HAPLN2: variants seen among roughly 807,000 people sequenced by gnomAD.
The protein encoded by HAPLN2 is brain link protein-1.
Under a neutral mutation model 29.3 loss-of-function variants are expected in HAPLN2, and 27 were observed. That is an observed-to-expected ratio of 0.92 (90% CI 0.68 to 1.27). The LOEUF (loss-of-function observed/expected upper bound fraction) is 1.27. Ranked by LOEUF, HAPLN2 falls within the 50% of genes most tolerant of loss-of-function variation. The probability of loss-of-function intolerance (pLI) is 0.00; values close to 1 mark genes in which losing one functional copy is unlikely to be tolerated. For missense variants in HAPLN2, 454 were observed against 484.3 expected (o/e 0.94, Z 0.59); for synonymous variants, 208 against 211.7 (o/e 0.98, Z 0.15).
At chr1:156,604,427 C>G in the HAPLN2 span, among the ~76,000 whole-genome samples, 3 of 151,988 alleles carry the variant, frequency 2.0e-5, no homozygotes, top group African/African-American at 7.3e-5. Context: ...GTAGCTGGGA[C>G]TACAGGTGCG....
chr1:156,602,112 A>ATTT, the HAPLN2 span, among the ~76,000 whole-genome samples: 2 of 151,562 alleles, frequency 1.3e-5, no homozygotes, highest in African/African-American at 4.9e-5. Flanking sequence ...TAATTTCTGT[A>ATTT]TTTTTTTTGT....
chr1:156,615,909 C>G (rs144743889), upstream of HAPLN2, among the ~76,000 whole-genome samples: 2 of 143,946 alleles, frequency 1.4e-5, no homozygotes, highest in Non-Finnish European at 3.0e-5. Context: ...GATCCTATCT[C>G]TTAAAAAAAT....
the HAPLN2 span, among the ~76,000 whole-genome samples, chr1:156,601,894 T>G: frequency 6.6e-6 from 1 of 152,230 alleles, no homozygotes; most frequent in Middle Eastern, 3.4e-3. Flanking sequence ...CAGTTATTTA[T>G]GAAAGCCTAG....
the HAPLN2 span, among the ~76,000 whole-genome samples, chr1:156,611,587 A>G: frequency 6.6e-6 from 1 of 152,104 alleles, no homozygotes; most frequent in East Asian, 1.9e-4. Context: ...ACAAAAAAAC[A>G]AAAAAACCCC....
the HAPLN2 span, among the ~76,000 whole-genome samples, chr1:156,605,741 C>A: frequency 6.6e-6 from 1 of 151,818 alleles, no homozygotes; most frequent in African/African-American, 2.4e-5. Context: ...AGAGGATAGA[C>A]ATATAGATCA....
At chr1:156,624,909 G>GGGGGGGCCCCCCCC in intron 6 of HAPLN2, 126 bp downstream of exon 6, 1 of 999,516 alleles carries the variant, frequency 1.0e-6, no homozygotes, top group Non-Finnish European at 1.4e-6. Context: ...CCCCCCATCA[G>GGGGGGGCCCCCCCC]CCCGCCCGCC....
At chr1:156,606,705 A>G in the HAPLN2 span, among the ~76,000 whole-genome samples, 2 of 151,696 alleles carry the variant, frequency 1.3e-5, no homozygotes, top group African/African-American at 2.4e-5. Context: ...CTGGCCTCCA[A>G]CTCCTGGGCT....
chr1:156,615,899 G>C (rs1678045678), upstream of HAPLN2, among the ~76,000 whole-genome samples: 1 of 143,778 alleles, frequency 7.0e-6, no homozygotes, highest in Non-Finnish European at 1.5e-5. Flanking sequence ...AATTTTTAGA[G>C]ATCCTATCTC....
the HAPLN2 span, among the ~76,000 whole-genome samples, chr1:156,609,404 T>C: frequency 1.3e-5 from 2 of 152,248 alleles, no homozygotes; most frequent in African/African-American, 4.8e-5. Context: ...TCATTTTCTC[T>C]ATGTGGTAGG....
the HAPLN2 span, among the ~76,000 whole-genome samples, chr1:156,613,916 CAA>C: frequency 0.11 from 12,981 of 115,532 alleles, 651 homozygotes; most frequent in East Asian, 0.3. Flanking sequence ...GATTCCTTCT[CAA>C]AAAAAAAAAA....
At chr1:156,613,117 G>A in the HAPLN2 span, among the ~76,000 whole-genome samples, 2 of 152,288 alleles carry the variant, frequency 1.3e-5, no homozygotes, top group East Asian at 1.9e-4. Flanking sequence ...TTGGGAGGCC[G>A]AGGCAGGCGG....
At chr1:156,624,250 G>A in intron 4 of HAPLN2, 90 bp downstream of exon 4, 1 of 1,504,582 alleles carries the variant, frequency 6.6e-7, no homozygotes, top group Non-Finnish European at 9.0e-7. Flanking sequence ...TATCTCCTCC[G>A]CACCCCTGGG....
chr1:156,623,033 CAAAA>C (rs1207919606), intron 2 of HAPLN2, among the ~76,000 whole-genome samples: 23 of 44,218 alleles, frequency 5.2e-4, no homozygotes, highest in African/African-American at 1.6e-3. Flanking sequence ...CACTCTGTCT[CAAAA>C]AAATAAATAA....
the HAPLN2 span, among the ~76,000 whole-genome samples, chr1:156,610,773 A>T: frequency 1.3e-5 from 2 of 152,238 alleles, no homozygotes; most frequent in Non-Finnish European, 2.9e-5. Flanking sequence ...TTTTCTGGAA[A>T]GATACAGCAG....
chr1:156,616,910 G>A (rs1571412555), upstream of HAPLN2, among the ~76,000 whole-genome samples: 1 of 151,940 alleles, frequency 6.6e-6, no homozygotes, highest in South Asian at 2.1e-4. Flanking sequence ...AAGATAGGGA[G>A]ACCCTGTCTT....
the HAPLN2 span, among the ~76,000 whole-genome samples, chr1:156,605,249 G>C: frequency 6.6e-6 from 1 of 151,660 alleles, no homozygotes. Context: ...CTGTACGATA[G>C]GGTGAGACTC....
In HAPLN2 at chr1:156,623,983, G is replaced by C. The variant is rs372599042; in HGVS notation, c.262G>C (p.Gly88Arg). ...GGAAACGCTGATCCTCATCACCAAC[G>C]GACTGCACGCCCGGGGGTATGGGCC... ...LRETLILITN[G>R]LHARGYGPLG... Residue 88 changes from glycine (G) to arginine (R), a missense_variant, in exon 4 of 7, where the codon GGA becomes CGA. By Grantham distance (125) the Gly-to-Arg change is moderately radical. Transcript: ENST00000255039. The C allele has an allele frequency of 6.2e-7, 1 of 1,608,462 alleles. No individual in the cohort carries two copies. Among genetic ancestry groups the C allele is most frequent in the Non-Finnish European group, 8.5e-7 (1 of 1,177,390 alleles).
rs538831938 is a variant in HAPLN2, at chr1:156,621,589, T to C, written c.-25+1431T>C. 2.0e-3 allele frequency among the ~76,000 whole-genome samples: 298 copies of C among 151,906 alleles called. 1 individual carries two copies. The highest frequency in any genetic ancestry group is 3.3e-3 in the Non-Finnish European group (223 of 67,922). ...CTGTTTCTACTACAAATACAAAAAT[T>C]AGCCCGGAGTGGTGGTGGGTGCCTG... On this transcript the variant is annotated intron_variant, in intron 2 of 6. Coordinates refer to ENST00000255039, the MANE Select transcript of HAPLN2 (RefSeq NM_021817.3).
chr1:156,608,614 C>T, the HAPLN2 span, among the ~76,000 whole-genome samples: 4 of 151,906 alleles, frequency 2.6e-5, no homozygotes, highest in Non-Finnish European at 4.4e-5. Context: ...ATGATCTTAG[C>T]TCACTGCAAC....
Sources: gnomAD v4.1 joint callset for allele counts (sites outside exome capture counted in the v4.1 genomes callset) on GRCh38, gnomAD v4.1.1 for gene constraint, MANE v1.5 for transcripts, NCBI Gene and HGNC (gene_info 2026-07-23, HGNC 2026-07-21) for gene names.